SPTLC2: variants seen among roughly 807,000 people sequenced by gnomAD.
SPTLC2 encodes the protein serine palmitoyltransferase long chain base subunit 2.
In SPTLC2, 21 loss-of-function variants were observed where a neutral mutation model predicts 62.0. That is an observed-to-expected ratio of 0.34 (90% CI 0.24 to 0.49). The LOEUF is 0.49. SPTLC2 is among the 20% of genes least tolerant of loss of function. The pLI, the probability that SPTLC2 is intolerant of heterozygous loss-of-function variation, is 0.99. For synonymous variants in SPTLC2, 261 were observed against 261.8 expected (o/e 1.00, Z 0.03); for missense variants, 511 against 713.0 (o/e 0.72, Z 3.23).
intron 1 of SPTLC2, among the ~76,000 whole-genome samples, chr14:77,615,352 G>A (rs776538839): frequency 6.6e-6 from 1 of 152,180 alleles, no homozygotes; most frequent in Non-Finnish European, 1.5e-5. Flanking sequence ...GCAGCAAACA[G>A]TAACAGACCT....
At position 77,547,411 on chromosome 14, in the gene SPTLC2, T is replaced by C. The variant is rs200014732; in HGVS notation, c.1303+4685A>G. ...CAAACGTTCTTGGGCTCAGGAAGTA[T>C]GGTGCTTGACGGGAGGGTTAAAAGC... is the stretch of plus-strand genomic sequence containing the variant. On this transcript the variant is annotated intron_variant, in intron 9 of 11. Coordinates refer to ENST00000216484, the MANE Select transcript of SPTLC2 (RefSeq NM_004863.4). Among the ~76,000 whole-genome samples the C allele has an allele frequency of 3.3e-5, 5 of 152,112 alleles. No homozygotes were observed. In the East Asian group the frequency reaches 9.6e-4, roughly 29 times the overall value.
intron 9 of SPTLC2, 33 bp downstream of exon 9, chr14:77,552,063 C>T (rs1180753745): frequency 1.2e-6 from 2 of 1,612,692 alleles, no homozygotes; most frequent in African/African-American, 2.7e-5. Context: ...GCTAGGTGGA[C>T]TTATGCAATG....
At chr14:77,533,204 T>C (rs1429515768) in intron 9 of SPTLC2, among the ~76,000 whole-genome samples, 1 of 150,292 alleles carries the variant, frequency 6.7e-6, no homozygotes, top group Admixed American at 6.7e-5. Context: ...GGAGGCTGAG[T>C]CAGAAGAATT....
chr14:77,593,739 T>C (rs1399971419), intron 2 of SPTLC2, among the ~76,000 whole-genome samples: 7 of 152,192 alleles, frequency 4.6e-5, no homozygotes, highest in Admixed American at 2.6e-4. Flanking sequence ...AACCAGGATG[T>C]GGTTATGAAT....
chr14:77,583,263 G>A lies in SPTLC2; in HGVS notation c.328-4154C>T, dbSNP rs367881922. On this transcript the variant is annotated intron_variant, in intron 2 of 11. Coordinates refer to ENST00000216484, the MANE Select transcript of SPTLC2 (RefSeq NM_004863.4). ...TAAAAATAATAATTTTAAAAAAGAT[G>A]AGAAGGGCAGCAAACCAAACTCCCT... Among the ~76,000 whole-genome samples, 3 of 148,724 alleles carry A rather than the reference G, an allele frequency of 2.0e-5. No individual in the cohort carries two copies. The East Asian group carries it at 6.1e-4, about 30-fold the overall frequency.
chr14:77,591,362 T>C (rs1333787518), intron 2 of SPTLC2, among the ~76,000 whole-genome samples: 2 of 152,218 alleles, frequency 1.3e-5, no homozygotes, highest in Admixed American at 1.3e-4. Flanking sequence ...TAATGGTTCA[T>C]GGTTTCTTTT....
At chr14:77,526,183 C>T (rs1021170896) in intron 9 of SPTLC2, among the ~76,000 whole-genome samples, 1 of 152,344 alleles carries the variant, frequency 6.6e-6, no homozygotes, top group African/African-American at 2.4e-5. Flanking sequence ...TAGTTACCCA[C>T]TTTGACTTGA....
At chr14:77,614,651 G>A (rs572876570) in intron 1 of SPTLC2, among the ~76,000 whole-genome samples, 247 of 131,956 alleles carry the variant, frequency 1.9e-3, no homozygotes, top group Middle Eastern at 0.011. Context: ...GCGACAGAGC[G>A]AGACTCCATC....
intron 6 of SPTLC2, among the ~76,000 whole-genome samples, chr14:77,558,198 C>T (rs1271445272): frequency 6.6e-6 from 1 of 152,128 alleles, no homozygotes; most frequent in Non-Finnish European, 1.5e-5. Flanking sequence ...CCAGCACCCG[C>T]CATCACGCCA....
intron 3 of SPTLC2, among the ~76,000 whole-genome samples, chr14:77,577,868 C>T (rs1341808154): frequency 1.3e-5 from 2 of 152,144 alleles, no homozygotes. Context: ...CCACTGCACT[C>T]CAGCCTGGGT....
At chr14:77,514,511 G>A (rs996972121) in intron 11 of SPTLC2, among the ~76,000 whole-genome samples, 2 of 152,188 alleles carry the variant, frequency 1.3e-5, no homozygotes, top group African/African-American at 4.8e-5. Context: ...TAGATCACAG[G>A]TAAGGTGGGT....
At chr14:77,607,055 C>A (rs921537479) in intron 1 of SPTLC2, among the ~76,000 whole-genome samples, 2 of 151,132 alleles carry the variant, frequency 1.3e-5, no homozygotes, top group Non-Finnish European at 2.9e-5. Context: ...TCCTTGTCTT[C>A]AAGAATTGTG....
At chr14:77,522,926 A>T (rs934461659) in intron 9 of SPTLC2, among the ~76,000 whole-genome samples, 27 of 152,360 alleles carry the variant, frequency 1.8e-4, no homozygotes, top group Non-Finnish European at 3.7e-4. Flanking sequence ...TCCATCATTC[A>T]TGGGAAGCTA....
At chr14:77,564,966 G>A (rs72683269) in intron 5 of SPTLC2, among the ~76,000 whole-genome samples, 35,544 of 151,846 alleles carry the variant, frequency 0.23, 4,306 homozygotes, top group Middle Eastern at 0.35. Flanking sequence ...TAAGCCGGGT[G>A]CGGTGGCTCA....
intron 5 of SPTLC2, among the ~76,000 whole-genome samples, chr14:77,566,682 G>A (rs956819688): frequency 1.2e-4 from 19 of 152,184 alleles, no homozygotes; most frequent in African/African-American, 4.6e-4. Context: ...GGATGGTCTC[G>A]ATCTCCTGAC....
At chr14:77,554,440 C>A (rs2079572020) in intron 8 of SPTLC2, among the ~76,000 whole-genome samples, 1 of 152,202 alleles carries the variant, frequency 6.6e-6, no homozygotes, top group African/African-American at 2.4e-5. Flanking sequence ...CCGCCTCCGG[C>A]AACTACTAAT....
chr14:77,538,034 C>A (rs1023534168), intron 9 of SPTLC2, among the ~76,000 whole-genome samples: 3 of 152,194 alleles, frequency 2.0e-5, no homozygotes, highest in East Asian at 1.9e-4. Context: ...CCTGTGCACA[C>A]TCTTATTAAT....
chr14:77,554,313 G>A (rs2079571342), intron 8 of SPTLC2, among the ~76,000 whole-genome samples: 1 of 152,154 alleles, frequency 6.6e-6, no homozygotes. Context: ...GCACAATTCA[G>A]TGGTTTTTAG....
At chr14:77,554,359 T>C (rs573431344) in intron 8 of SPTLC2, among the ~76,000 whole-genome samples, 1 of 152,214 alleles carries the variant, frequency 6.6e-6, no homozygotes, top group Non-Finnish European at 1.5e-5. Context: ...CCACTAATTT[T>C]AGAACATTTC....
Sources: allele counts gnomAD v4.1 joint callset (sites outside exome capture counted in the v4.1 genomes callset), GRCh38; gene constraint gnomAD v4.1.1; transcripts MANE v1.5; gene names NCBI Gene and HGNC (gene_info 2026-07-23, HGNC 2026-07-21).